The following CCNT1 variants were observed in gnomAD, a reference collection of about 807,000 sequenced individuals.
CCNT1 encodes the protein cyclin T1.
Under a neutral mutation model 67.3 loss-of-function variants are expected in CCNT1, and 18 were observed. The ratio of observed to expected loss-of-function variants is 0.27; its 90% CI spans 0.18 to 0.40. The LOEUF is 0.40. Ranked by LOEUF, CCNT1 falls within the 10% of genes least tolerant of loss-of-function variation. The pLI, the probability that CCNT1 is intolerant of heterozygous loss-of-function variation, is 1.00. For synonymous variants in CCNT1, 333 were observed against 310.3 expected (o/e 1.07, Z -0.77); for missense variants, 744 against 884.9 (o/e 0.84, Z 2.02).
At chr12:48,697,844 A>T (rs1313007495) in intron 6 of CCNT1, 4 of 75,876 alleles carry the variant, frequency 5.3e-5, no homozygotes, top group Admixed American at 1.5e-4. Context: ...TAATTTAAAA[A>T]AAAAAAAAAA....
intron 1 of CCNT1, among the ~76,000 whole-genome samples, chr12:48,716,159 C>A (rs1043589046): frequency 3.3e-5 from 5 of 152,228 alleles, no homozygotes; most frequent in African/African-American, 1.2e-4. Context: ...AACAGAGAAA[C>A]CTCTGCCAGA....
At chr12:48,711,145 G>A (rs944649772) in intron 2 of CCNT1, among the ~76,000 whole-genome samples, 1 of 151,974 alleles carries the variant, frequency 6.6e-6, no homozygotes, top group African/African-American at 2.4e-5. Context: ...ACTCTGGAAG[G>A]ATGAGGCGGG....
intron 2 of CCNT1, among the ~76,000 whole-genome samples, chr12:48,706,228 T>A (rs892038314): frequency 1.3e-5 from 2 of 152,132 alleles, no homozygotes; most frequent in South Asian, 4.1e-4. Flanking sequence ...AGGAGTAAAC[T>A]GAAATGTCCA....
In CCNT1 at chr12:48,692,340, A is replaced by AC. The variant is rs1940088598; in HGVS notation, c.*692_*693insG. ...AAACGGTAAGGAACAGGGAGGGAAGATAAAACATTATTTTTAAACACACAC... is the reference window on the plus strand; with the variant it reads ...AAACGGTAAGGAACAGGGAGGGAAGACTAAAACATTATTTTTAAACACACAC... On this transcript the variant is annotated 3_prime_UTR_variant, in exon 9 of 9. Transcript: ENST00000261900. The AC allele has an allele frequency of 6.6e-6, 1 of 152,190 alleles. No homozygotes were observed. The highest frequency in any genetic ancestry group is 2.1e-4 in the South Asian group (1 of 4,828). 9.4% of individuals were successfully genotyped at this position (152,190 alleles called of 1,614,324 possible).
At chr12:48,697,534 AATATATAT>A (rs771889041) in intron 6 of CCNT1, among the ~76,000 whole-genome samples, 12 of 130,672 alleles carry the variant, frequency 9.2e-5, no homozygotes, top group African/African-American at 3.6e-4. Context: ...AAAAAAAAAA[AATATATAT>A]ATATATATAT....
At chr12:48,705,366 A>G (rs1940339652) in intron 3 of CCNT1, among the ~76,000 whole-genome samples, 1 of 151,982 alleles carries the variant, frequency 6.6e-6, no homozygotes, top group East Asian at 1.9e-4. Flanking sequence ...AACTGGACTC[A>G]AGCAATTCTC....
Position 48,693,996 on chromosome 12 carries a change from T to G in CCNT1, c.1218A>C (p.Gln406His). 6.2e-7 allele frequency: 1 copy of G among 1,614,248 alleles called. No homozygotes were observed. Among genetic ancestry groups the G allele is most frequent in the Non-Finnish European group, 8.5e-7 (1 of 1,180,042 alleles). Residue 406 changes from glutamine (Q) to histidine (H), a missense_variant, in exon 9 of 9, where the codon CAA (glutamine) becomes CAC (histidine). Gln to His is a conservative substitution (Grantham distance 24). This residue lies in a region of CCNT1 where 564 missense variants were observed against 574.2 expected (regional missense o/e 0.98). Transcript: ENST00000261900. ...HAEELAAQKR[Q>H]LENMEANVKS... The stretch of plus-strand genomic sequence containing the variant: ...TCACATTGGCTTCCATGTTCTCCAG[T>G]TGCCTCTTCTGGGCAGCCAATTCTT...
At chr12:48,706,281 G>A (rs1266756958) in intron 2 of CCNT1, among the ~76,000 whole-genome samples, 1 of 152,214 alleles carries the variant, frequency 6.6e-6, no homozygotes, top group Non-Finnish European at 1.5e-5. Context: ...GTGGTTGCCA[G>A]GAGCTGCGGG....
intron 2 of CCNT1, among the ~76,000 whole-genome samples, chr12:48,710,812 C>T (rs1373632217): frequency 2.0e-5 from 3 of 152,110 alleles, no homozygotes; most frequent in Non-Finnish European, 4.4e-5. Flanking sequence ...GGCTATAATT[C>T]CAGCACTTGG....
In CCNT1 at chr12:48,716,499, T is replaced by C. The variant is rs768003822; in HGVS notation, c.161+16A>G. The C allele has an allele frequency of 1.2e-6, 2 of 1,606,762 alleles. No individual in the cohort carries two copies. The highest frequency in any genetic ancestry group is 3.4e-5 in the Admixed American group (2 of 59,262). The stretch of plus-strand genomic sequence containing the variant: ...GGGACCAACTCCAAGGCCGAAGGCC[T>C]AGGCCACAAGGATACACGTTAAGAC... On this transcript the variant is annotated intron_variant, in intron 1 of 8. Coordinates refer to ENST00000261900, the MANE Select transcript of CCNT1 (RefSeq NM_001240.4).
In CCNT1 at chr12:48,715,453, A is replaced by T. The variant is rs56942518; in HGVS notation, c.162-929T>A. On this transcript the variant is annotated intron_variant, in intron 1 of 8. Coordinates refer to ENST00000261900, the MANE Select transcript of CCNT1 (RefSeq NM_001240.4). ...AAAAATATGTGGGAGAGGTTACCTC[A>T]TTTTTTTTTTAATTTTTTTTTTCTG... 5.9e-3 allele frequency among the ~76,000 whole-genome samples: 886 copies of T among 149,874 alleles called. 7 individuals carry two copies. The highest frequency in any genetic ancestry group is 0.02 in the African/African-American group (806 of 40,880).
At chr12:48,708,119 G>C (rs1940392322) in intron 2 of CCNT1, among the ~76,000 whole-genome samples, 1 of 151,972 alleles carries the variant, frequency 6.6e-6, no homozygotes, top group Admixed American at 6.6e-5. Flanking sequence ...AGGACATAAA[G>C]TTTAGAGCAC....
intron 6 of CCNT1, 91 bp downstream of exon 6, chr12:48,698,047 T>C: frequency 1.4e-6 from 1 of 715,280 alleles, no homozygotes; most frequent in Non-Finnish European, 2.2e-6. Context: ...AAAATCAACA[T>C]TCACCAGAGA....
At chr12:48,695,190 A>G (rs955114659) in intron 8 of CCNT1, among the ~76,000 whole-genome samples, 2 of 152,236 alleles carry the variant, frequency 1.3e-5, no homozygotes, top group African/African-American at 4.8e-5. Context: ...CACTCAACTC[A>G]GGAGAATGAA....
chr12:48,708,339 G>C (rs558860718), intron 2 of CCNT1, among the ~76,000 whole-genome samples: 1 of 152,270 alleles, frequency 6.6e-6, no homozygotes, highest in South Asian at 2.1e-4. Flanking sequence ...CTGAGGTCAG[G>C]AGTTCAAGAA....
chr12:48,691,823 A>G lies in CCNT1; in HGVS notation c.*1210T>C, dbSNP rs765865940. The G allele has an allele frequency of 2.0e-5, 3 of 152,250 alleles. No individual in the cohort carries two copies. The highest frequency in any genetic ancestry group is 7.2e-5 in the African/African-American group (3 of 41,466). 9.4% of individuals were successfully genotyped at this position (152,250 alleles called of 1,614,324 possible). A position where few individuals can be genotyped will look rare whatever the true frequency, so the allele number is the denominator to read the frequency against. ...TAGCTGTTTCCCTTCGGATATACAC[A>G]TAAAAAGCATGTCTTACATTTATAA... On this transcript the variant is annotated 3_prime_UTR_variant, in exon 9 of 9. Transcript: ENST00000261900.
At chr12:48,700,334 A>T (rs954257657) in intron 4 of CCNT1, among the ~76,000 whole-genome samples, 1 of 149,938 alleles carries the variant, frequency 6.7e-6, no homozygotes, top group Non-Finnish European at 1.5e-5. Context: ...AAAAAAAAAA[A>T]GAAAAAGAAA....
At chr12:48,695,664 T>A (rs1940158999) in intron 8 of CCNT1, 95 bp downstream of exon 8, 3 of 797,594 alleles carry the variant, frequency 3.8e-6, no homozygotes, top group Non-Finnish European at 6.3e-6. Context: ...AAAGGGCAAT[T>A]CCAAACCTAG....
intron 8 of CCNT1, 136 bp from the exon 9 acceptor site, chr12:48,694,572 T>A (rs1182868671): frequency 3.0e-6 from 2 of 676,042 alleles, no homozygotes; most frequent in Admixed American, 2.8e-5. Flanking sequence ...TAACATGTAA[T>A]CCAATAAATA....
Sources: allele counts gnomAD v4.1 joint callset (sites outside exome capture counted in the v4.1 genomes callset), GRCh38; gene constraint gnomAD v4.1.1; regional missense constraint gnomAD v4.1.1; transcripts MANE v1.5; gene names NCBI Gene and HGNC (gene_info 2026-07-23, HGNC 2026-07-21).